The following MEGF6 variants were observed in gnomAD, a reference collection of about 807,000 sequenced individuals.
The protein encoded by MEGF6 is multiple EGF like domains 6.
In MEGF6, 184 loss-of-function variants were observed where a neutral mutation model predicts 207.1. The observed-to-expected ratio is 0.89, with a 90% CI of 0.79 to 1.00. The LOEUF is 1.00. Among genes scored for constraint, MEGF6 ranks in the 50% least tolerant of loss-of-function variants. The pLI, the probability that MEGF6 is intolerant of heterozygous loss-of-function variation, is 0.00. For synonymous variants in MEGF6, 1,038 were observed against 910.0 expected, an observed-to-expected ratio of 1.14 and a Z score of -2.53; for missense variants, 2,282 against 2,202.9, an observed-to-expected ratio of 1.04 and a Z score of -0.72.
At chr1:3,532,496 CAGA>C (rs1642209853) in intron 4 of MEGF6, among the ~76,000 whole-genome samples, 1 of 152,230 alleles carries the variant, frequency 6.6e-6, no homozygotes. Flanking sequence ...TGAGGGTCCA[CAGA>C]AGGACTGGGC....
intron 4 of MEGF6, 34 bp from the exon 5 acceptor site, chr1:3,524,280 C>A: frequency 6.3e-7 from 1 of 1,593,014 alleles, no homozygotes; most frequent in Non-Finnish European, 8.6e-7. Flanking sequence ...AGCAGCTGGG[C>A]ACCTGTGCCC....
intron 4 of MEGF6, among the ~76,000 whole-genome samples, chr1:3,527,118 C>A (rs541152524): frequency 1.3e-5 from 2 of 152,364 alleles, no homozygotes; most frequent in African/African-American, 4.8e-5. Flanking sequence ...ACCACCAAGG[C>A]CTTCCCACCA....
intron 5 of MEGF6, 72 bp downstream of exon 5, chr1:3,524,052 G>C: frequency 6.5e-7 from 1 of 1,537,522 alleles, no homozygotes; most frequent in Non-Finnish European, 8.8e-7. Context: ...CTCAGGCCAG[G>C]CCTGGGCACA....
intron 17 of MEGF6, among the ~76,000 whole-genome samples, chr1:3,503,387 T>A (rs910332417): frequency 1.3e-5 from 2 of 152,138 alleles, no homozygotes; most frequent in African/African-American, 4.8e-5. Context: ...AGAGTGTTGA[T>A]CTTTCTATCA....
intron 3 of MEGF6, among the ~76,000 whole-genome samples, chr1:3,591,551 G>C (rs1344096975): frequency 6.6e-6 from 1 of 152,206 alleles, no homozygotes; most frequent in Non-Finnish European, 1.5e-5. Context: ...TTTAATCCCA[G>C]GTTTTCAGGT....
In MEGF6 at chr1:3,581,045, G is replaced by GA. The variant is rs1186521444; in HGVS notation, c.377-1117dup. ...GGCACTCGTCGTCTAAGCAGCCCCA[G>GA]ACCAGGGGCTGTGCCCGGTGGGGAA... On this transcript the variant is annotated intron_variant, in intron 3 of 36. Coordinates refer to ENST00000356575, the MANE Select transcript of MEGF6 (RefSeq NM_001409.4). Among the ~76,000 whole-genome samples, 8 of 152,276 alleles carry GA rather than the reference G, an allele frequency of 5.3e-5. No individual in the cohort carries two copies. The East Asian group carries it at 1.5e-3, about 29-fold the overall frequency.
At chr1:3,602,033 G>A (rs1408405509) in intron 2 of MEGF6, among the ~76,000 whole-genome samples, 2 of 152,234 alleles carry the variant, frequency 1.3e-5, no homozygotes, top group African/African-American at 4.8e-5. Flanking sequence ...AGGGGGAGAG[G>A]TGTGCACAGG....
At position 3,552,880 on chromosome 1, in the gene MEGF6, C is replaced by T. The variant is rs565605688; in HGVS notation, c.481+26945G>A. On this transcript the variant is annotated intron_variant, in intron 4 of 36. Coordinates refer to ENST00000356575, the MANE Select transcript of MEGF6 (RefSeq NM_001409.4). The stretch of plus-strand genomic sequence containing the variant: ...TCCAGTCCCCCACCAGGTAAGCCTG[C>T]TGCTTCATCCCGAGGCCCCACCAGT... 2.0e-5 allele frequency among the ~76,000 whole-genome samples: 3 copies of T among 152,208 alleles called. No individual in the cohort carries two copies. In the East Asian group the frequency reaches 5.8e-4, roughly 30 times the overall value.
Position 3,499,900 on chromosome 1 carries a change from G to A in MEGF6, c.2732C>T (p.Pro911Leu), listed in dbSNP as rs1640784779. 2 of 1,561,492 alleles carry A rather than the reference G, an allele frequency of 1.3e-6. No individual in the cohort carries two copies. Among genetic ancestry groups the A allele is most frequent in the Non-Finnish European group, 1.7e-6 (2 of 1,153,842 alleles). Reference protein sequence around the residue: ...EQQCPQGHFGPGCEQRCQCQH... With the variant: ...EQQCPQGHFGLGCEQRCQCQH... ...ACACTGGCACCGCTGCTCACAGCCG[G>A]GCCCAAAGTGGCCCTGGGGACACTC... Residue 911 changes from proline (P) to leucine (L), a missense_variant, in exon 22 of 37, where the codon CCC becomes CTC. Pro to Leu is a moderately conservative substitution (Grantham distance 98, BLOSUM62 -3). Transcript: ENST00000356575.
chr1:3,494,257 T>TGCTGCTGGCTCCCCACC, intron 32 of MEGF6, 114 bp downstream of exon 32: 1 of 1,465,514 alleles, frequency 6.8e-7, no homozygotes, highest in African/African-American at 1.4e-5. Context: ...CCCTCCCCAC[T>TGCTGCTGGCTCCCCACC]GCTGCTGGCT....
Position 3,556,577 on chromosome 1 carries a change from CTACCTGCAA to C in MEGF6, c.481+23239_481+23247del, listed in dbSNP as rs1643037123. On this transcript the variant is annotated intron_variant, in intron 4 of 36. Coordinates refer to ENST00000356575, the MANE Select transcript of MEGF6 (RefSeq NM_001409.4). This position sits in a 1 kb window ranked among gnomAD's most constrained non-coding sequence, Gnocchi z 4.4. ...GGTCACAGAGGCTGCAGCAGCGGAA[CTACCTGCAA>C]ATGAGAGGACAGAGGACCCGGTGAC... Among the ~76,000 whole-genome samples the C allele has an allele frequency of 6.6e-6, 1 of 152,176 alleles. No homozygotes were observed. Among genetic ancestry groups the C allele is most frequent in the African/African-American group, 2.4e-5 (1 of 41,448 alleles).
intron 2 of MEGF6, among the ~76,000 whole-genome samples, chr1:3,599,844 G>A (rs898388708): frequency 1.3e-5 from 2 of 152,178 alleles, no homozygotes; most frequent in Admixed American, 6.5e-5. Flanking sequence ...TGGGCACCCC[G>A]TTTCTGTGCC....
At position 3,560,850 on chromosome 1, in the gene MEGF6, G is replaced by A; in HGVS notation, c.481+18975C>T. The A allele has an allele frequency of 2.2e-6, 1 of 455,514 alleles. No individual in the cohort carries two copies. The allele number at this position is 455,514 out of a possible 1,614,324, so 28.2% of individuals were successfully genotyped here. ...AGGCGTCGGCCGCGAGGGGGTTGCT[G>A]GGCTGGCTGGTCCCCCAGGTCTCTA... is the stretch of plus-strand genomic sequence containing the variant. On this transcript the variant is annotated intron_variant, in intron 4 of 36. Transcript: ENST00000356575. The surrounding 1 kb of genome is among the most constrained non-coding windows in gnomAD (Gnocchi z 4.0).
In MEGF6 at chr1:3,511,721, G is replaced by A. The variant is rs771681506; in HGVS notation, c.977-34C>T. 3.8e-6 allele frequency: 6 copies of A among 1,586,670 alleles called. No homozygotes were observed. In the East Asian group the frequency reaches 9.0e-5, roughly 24 times the overall value. On this transcript the variant is annotated intron_variant, in intron 8 of 36. Coordinates refer to ENST00000356575, the MANE Select transcript of MEGF6 (RefSeq NM_001409.4). ...AGACCAGCCACCCAGGGTATGGGAT[G>A]GCGGCTAGGATGACCCCCACCTACC...
At chr1:3,528,425 G>A (rs888468200) in intron 4 of MEGF6, among the ~76,000 whole-genome samples, 2 of 152,214 alleles carry the variant, frequency 1.3e-5, no homozygotes, top group South Asian at 2.1e-4. Context: ...AGCCGTAGGC[G>A]CAGTGGCCTT....
At chr1:3,503,075 T>C (rs1640967128) in intron 17 of MEGF6, among the ~76,000 whole-genome samples, 1 of 152,162 alleles carries the variant, frequency 6.6e-6, no homozygotes, top group Non-Finnish European at 1.5e-5. Context: ...AGAGCCAGGA[T>C]GTGCCCTGCC....
chr1:3,494,999 G>A (rs2821036), intron 30 of MEGF6, among the ~76,000 whole-genome samples: 21,364 of 152,180 alleles, frequency 0.14, 2,357 homozygotes, highest in African/African-American at 0.3. Context: ...CTGGGTGAGC[G>A]CCTGCCCAGC....
chr1:3,514,120 T>C (rs1264264411), intron 7 of MEGF6, among the ~76,000 whole-genome samples: 1 of 151,512 alleles, frequency 6.6e-6, no homozygotes, highest in Non-Finnish European at 1.5e-5. Flanking sequence ...TGGCGGCGGG[T>C]GCCTGTAGTC....
intron 4 of MEGF6, among the ~76,000 whole-genome samples, chr1:3,546,125 G>C (rs1282952748): frequency 6.6e-6 from 1 of 152,242 alleles, no homozygotes; most frequent in East Asian, 1.9e-4. Context: ...GCAGAGGCTG[G>C]AGCAGGCAAA....
Sources: gnomAD v4.1 joint callset for allele counts (sites outside exome capture counted in the v4.1 genomes callset) on GRCh38, gnomAD v4.1.1 for gene constraint, Gnocchi (gnomAD v3.1) non-coding constraint, MANE v1.5 for transcripts, NCBI Gene and HGNC (gene_info 2026-07-23, HGNC 2026-07-21) for gene names.